Variants in FSTL4 observed in about 807,000 individuals in gnomAD.
FSTL4 encodes follistatin like 4.
Under a neutral mutation model 78.2 loss-of-function variants are expected in FSTL4, and 28 were observed. The observed-to-expected ratio is 0.36, with a 90% CI of 0.27 to 0.49. The LOEUF (loss-of-function observed/expected upper bound fraction) is 0.49. FSTL4 is among the 20% of genes least tolerant of loss of function. The pLI is 0.98. For missense variants in FSTL4, 922 were observed against 1,084.9 expected, an observed-to-expected ratio of 0.85 and a Z score of 2.11; for synonymous variants, 422 against 440.5, an observed-to-expected ratio of 0.96 and a Z score of 0.53.
At chr5:133,526,553 T>C (rs561769352) in intron 3 of FSTL4, among the ~76,000 whole-genome samples, 1 of 152,174 alleles carries the variant, frequency 6.6e-6, no homozygotes, top group African/African-American at 2.4e-5. Context: ...TGAGGGTTCC[T>C]AATGACCCCT....
At chr5:133,371,887 T>C (rs886136625) in intron 4 of FSTL4, among the ~76,000 whole-genome samples, 1 of 152,220 alleles carries the variant, frequency 6.6e-6, no homozygotes, top group African/African-American at 2.4e-5. Context: ...CCTCGGCTGC[T>C]GCTTGTCCAC....
chr5:133,711,230 T>A, the FSTL4 span, among the ~76,000 whole-genome samples: 3 of 152,166 alleles, frequency 2.0e-5, no homozygotes, highest in Admixed American at 6.5e-5. Context: ...AACCAGTTTC[T>A]CTGGTTGGAC....
chr5:133,777,746 G>A, the FSTL4 span, among the ~76,000 whole-genome samples: 39 of 152,292 alleles, frequency 2.6e-4, 2 homozygotes, highest in South Asian at 7.7e-3. Context: ...ATCTAGCTAA[G>A]GGTTTGAAGC....
At chr5:133,806,698 C>T in the FSTL4 span, among the ~76,000 whole-genome samples, 2 of 152,208 alleles carry the variant, frequency 1.3e-5, no homozygotes, top group Non-Finnish European at 2.9e-5. Context: ...ATAGGAAGTG[C>T]CCCTGCCCCT....
the FSTL4 span, among the ~76,000 whole-genome samples, chr5:133,739,030 C>A: frequency 6.6e-6 from 1 of 152,118 alleles, no homozygotes; most frequent in Non-Finnish European, 1.5e-5. Flanking sequence ...TGAGCCAGTG[C>A]CACCCCCTCA....
At chr5:133,445,168 T>C (rs1256021050) in intron 3 of FSTL4, among the ~76,000 whole-genome samples, 1 of 152,234 alleles carries the variant, frequency 6.6e-6, no homozygotes, top group African/African-American at 2.4e-5. Flanking sequence ...AAGTCTGCCT[T>C]CTTTTGGCAT....
chr5:133,685,725 G>A, the FSTL4 span, among the ~76,000 whole-genome samples: 2 of 152,228 alleles, frequency 1.3e-5, no homozygotes, highest in Non-Finnish European at 2.9e-5. Context: ...GCATGAGCCA[G>A]AGGGTATGGG....
intron 7 of FSTL4, 35 bp from the exon 8 acceptor site, chr5:133,233,572 CTT>C (rs1163865096): frequency 1.6e-6 from 2 of 1,227,074 alleles, no homozygotes; most frequent in Admixed American, 5.7e-5. Context: ...AGACTGGCCT[CTT>C]TATTGAACGG....
intron 6 of FSTL4, among the ~76,000 whole-genome samples, chr5:133,290,167 T>C (rs1038813213): frequency 2.0e-5 from 3 of 152,210 alleles, no homozygotes; most frequent in African/African-American, 7.2e-5. Flanking sequence ...GATTAATTAC[T>C]GTGTCTTGCC....
chr5:133,542,909 C>G (rs1055340082), intron 3 of FSTL4, among the ~76,000 whole-genome samples: 5 of 151,006 alleles, frequency 3.3e-5, no homozygotes, highest in African/African-American at 9.7e-5. Flanking sequence ...CTTTGTTGAA[C>G]CTTTCTGTTG....
At chr5:133,786,270 A>G in the FSTL4 span, among the ~76,000 whole-genome samples, 2 of 152,196 alleles carry the variant, frequency 1.3e-5, no homozygotes, top group Non-Finnish European at 2.9e-5. Context: ...TTTCTGAAGA[A>G]TGGAATGAGG....
intron 3 of FSTL4, among the ~76,000 whole-genome samples, chr5:133,517,447 A>ATATATATATATATATAT (rs1217832188): frequency 6.1e-5 from 1 of 16,402 alleles, no homozygotes; most frequent in Non-Finnish European, 1.0e-4. Context: ...AAAAAAAAAA[A>ATATATATATATATATAT]ATATATATAT....
rs146974404 is a variant in FSTL4, at chr5:133,424,346, C to A, written c.161-23360G>T. 1.2e-4 allele frequency among the ~76,000 whole-genome samples: 19 copies of A among 152,276 alleles called. No homozygotes were observed. The East Asian group carries it at 3.7e-3, about 29-fold the overall frequency. On this transcript the variant is annotated intron_variant, in intron 3 of 15. Coordinates refer to ENST00000265342, the MANE Select transcript of FSTL4 (RefSeq NM_015082.2). ...TGATGGAAGCATCTCCTGGGACCGG[C>A]TGACAATTTGGGAAGTTTACAGAGC...
the FSTL4 span, among the ~76,000 whole-genome samples, chr5:133,827,506 A>G: frequency 6.6e-6 from 1 of 152,098 alleles, no homozygotes; most frequent in Non-Finnish European, 1.5e-5. Context: ...TGATTTCTCT[A>G]GGAAAATGGA....
chr5:133,400,691 G>GACCCATCACAAA, intron 4 of FSTL4, 47 bp downstream of exon 4: 1 of 1,570,052 alleles, frequency 6.4e-7, no homozygotes, highest in Non-Finnish European at 8.7e-7. Context: ...GGCATTGGAA[G>GACCCATCACAAA]ACCCATCACA....
chr5:133,498,413 T>G (rs1246831667), intron 3 of FSTL4, among the ~76,000 whole-genome samples: 1 of 152,188 alleles, frequency 6.6e-6, no homozygotes, highest in Non-Finnish European at 1.5e-5. Context: ...ACATTTAAAG[T>G]TATCCTTTAA....
chr5:133,755,330 A>C, the FSTL4 span, among the ~76,000 whole-genome samples: 2 of 152,204 alleles, frequency 1.3e-5, no homozygotes, highest in African/African-American at 2.4e-5. Context: ...TATTCTCTCT[A>C]AACATTCTGA....
chr5:133,316,352 TG>T (rs1753901284), intron 5 of FSTL4, 106 bp downstream of exon 5: 1 of 786,128 alleles, frequency 1.3e-6, no homozygotes. Context: ...GTTTGTGAGA[TG>T]TTCTCAGAGG....
At position 133,220,874 on chromosome 5, in the gene FSTL4, G is replaced by A. The variant is rs1581538552; in HGVS notation, c.1340-8C>T. 2.6e-6 allele frequency: 4 copies of A among 1,511,882 alleles called. No homozygotes were observed. Among genetic ancestry groups the A allele is most frequent in the Non-Finnish European group, 2.8e-6 (3 of 1,086,554 alleles). 93.7% of individuals were successfully genotyped at this position (1,511,882 alleles called of 1,614,324 possible). ...TGTTTCCCACGCTGAGGCCTGGGAG[G>A]AGCAAATGGAATGGGCATGCCCTCC... On this transcript the variant is annotated splice_region_variant and splice_polypyrimidine_tract_variant and intron_variant, in intron 11 of 15. Coordinates refer to ENST00000265342, the MANE Select transcript of FSTL4 (RefSeq NM_015082.2).
Sources: allele counts gnomAD v4.1 joint callset (sites outside exome capture counted in the v4.1 genomes callset), GRCh38; gene constraint gnomAD v4.1.1; transcripts MANE v1.5; gene names NCBI Gene and HGNC (gene_info 2026-07-23, HGNC 2026-07-21).